Variants in PACSIN1 observed in about 807,000 individuals in gnomAD.
PACSIN1 encodes the protein protein kinase C and casein kinase substrate in neurons 1.
Under a neutral mutation model 59.5 loss-of-function variants are expected in PACSIN1, and 15 were observed. That is an observed-to-expected ratio of 0.25 (90% CI 0.17 to 0.39). The LOEUF (loss-of-function observed/expected upper bound fraction) is 0.39, where lower values mean the gene tolerates loss of function less well. Ranked by LOEUF, PACSIN1 falls within the 10% of genes least tolerant of loss-of-function variation. The probability of loss-of-function intolerance (pLI) is 1.00; values close to 1 mark genes in which losing one functional copy is unlikely to be tolerated. For missense variants in PACSIN1, 420 were observed against 580.2 expected, an observed-to-expected ratio of 0.72 and a Z score of 2.84; for synonymous variants, 210 against 220.6, an observed-to-expected ratio of 0.95 and a Z score of 0.42.
At chr6:34,478,435 C>A (rs367752016) in intron 1 of PACSIN1, among the ~76,000 whole-genome samples, 1 of 140,310 alleles carries the variant, frequency 7.1e-6, no homozygotes, top group Non-Finnish European at 1.5e-5. Context: ...TGCAGTGGCA[C>A]GATCTCGGCT....
At chr6:34,486,681 C>A (rs1001587472) in intron 1 of PACSIN1, among the ~76,000 whole-genome samples, 6 of 152,148 alleles carry the variant, frequency 3.9e-5, no homozygotes, top group African/African-American at 1.4e-4. Flanking sequence ...ACTCCTGTCA[C>A]CCCTGCAGGG....
At chr6:34,508,947 TTC>T (rs1452679741) in intron 1 of PACSIN1, among the ~76,000 whole-genome samples, 1 of 152,218 alleles carries the variant, frequency 6.6e-6, no homozygotes, top group Non-Finnish European at 1.5e-5. Flanking sequence ...TGCAATTTTT[TTC>T]CCCCATTCAG....
intron 1 of PACSIN1, among the ~76,000 whole-genome samples, chr6:34,471,927 C>G (rs1766576055): frequency 1.3e-5 from 2 of 152,144 alleles, no homozygotes; most frequent in Admixed American, 1.3e-4. Flanking sequence ...CGCTGCCTGC[C>G]AGGCACCACT....
In PACSIN1 at chr6:34,529,953, G is replaced by A; in HGVS notation, c.788+112G>A. 8.0e-7 allele frequency: 1 copy of A among 1,243,634 alleles called. No individual in the cohort carries two copies. Among genetic ancestry groups the A allele is most frequent in the Non-Finnish European group, 1.1e-6 (1 of 892,640 alleles). The allele number at this position is 1,243,634 out of a possible 1,614,324, so 77.0% of individuals were successfully genotyped here. A position where few individuals can be genotyped will look rare whatever the true frequency, so the allele number is the denominator to read the frequency against. ...AGTGACGGGAAGGGGAGGCAGAGCT[G>A]CAGGGGTCAAGAAGGATGAGGCTTC... On this transcript the variant is annotated intron_variant, in intron 6 of 9. Transcript: ENST00000244458. This position sits in a 1 kb window ranked among gnomAD's most constrained non-coding sequence, Gnocchi z 6.3.
chr6:34,527,416 G>T lies in PACSIN1; in HGVS notation c.148G>T (p.Ala50Ser). 6.3e-7 allele frequency: 1 copy of T among 1,598,994 alleles called. No individual in the cohort carries two copies. The highest frequency in any genetic ancestry group is 8.5e-7 in the Non-Finnish European group (1 of 1,174,092). Residue 50 changes from alanine to serine, a missense_variant, in exon 3 of 10, where the codon GCC (alanine) becomes TCC (serine). Physicochemically the swap from Ala to Ser is moderately conservative, Grantham distance 99. Transcript: ENST00000244458. ...NDLMNCVQERAKIEKAYGQQL... is the reference protein window; with the variant it reads ...NDLMNCVQERSKIEKAYGQQL... Reference sequence around the variant, plus strand: ...CCTGATGAACTGCGTGCAGGAGCGCGCCAAGATCGAGAAGGCGTACGGGCA... The same window carrying T: ...CCTGATGAACTGCGTGCAGGAGCGCTCCAAGATCGAGAAGGCGTACGGGCA...
At chr6:34,523,559 G>A (rs1406723684) in intron 1 of PACSIN1, among the ~76,000 whole-genome samples, 1 of 152,248 alleles carries the variant, frequency 6.6e-6, no homozygotes, top group African/African-American at 2.4e-5. Flanking sequence ...AGCCACTGGT[G>A]AGAGAAGGCA....
intron 3 of PACSIN1, chr6:34,527,697 A>G (rs979542326): frequency 1.0e-4 from 40 of 391,422 alleles, no homozygotes; most frequent in African/African-American, 5.7e-4. Context: ...AAAAAAAAAA[A>G]CACTTTTTAT....
At chr6:34,524,949 G>A (rs541004381) in intron 1 of PACSIN1, among the ~76,000 whole-genome samples, 1 of 151,624 alleles carries the variant, frequency 6.6e-6, no homozygotes, top group South Asian at 2.1e-4. Flanking sequence ...GTGACATTAA[G>A]GGTTCTAGAA....
chr6:34,466,211 C>T lies in PACSIN1; in HGVS notation c.-123C>T, dbSNP rs41312305. Reference sequence around the variant, plus strand: ...AAGTCGGCCGGGCTTGAGGCCGGGCCCCAGACGTCCCGCTTCGCCCCGAGT... The same window carrying T: ...AAGTCGGCCGGGCTTGAGGCCGGGCTCCAGACGTCCCGCTTCGCCCCGAGT... On this transcript the variant is annotated 5_prime_UTR_variant, in exon 1 of 10. Coordinates refer to ENST00000244458, the MANE Select transcript of PACSIN1 (RefSeq NM_020804.5). 316 of 152,300 alleles carry T rather than the reference C, an allele frequency of 2.1e-3. No individual in the cohort carries two copies. The highest frequency in any genetic ancestry group is 3.6e-3 in the Non-Finnish European group (246 of 68,076). 9.4% of individuals were successfully genotyped at this position (152,300 alleles called of 1,614,324 possible).
rs1050359831 is a variant in PACSIN1, at chr6:34,466,188, G to A, written c.-146G>A. 7 of 152,284 alleles carry A rather than the reference G, an allele frequency of 4.6e-5. No individual in the cohort carries two copies. Among genetic ancestry groups the A allele is most frequent in the African/African-American group, 1.4e-4 (6 of 41,442 alleles). The allele number at this position is 152,284 out of a possible 1,614,324, so 9.4% of individuals were successfully genotyped here. A position where few individuals can be genotyped will look rare whatever the true frequency, so the allele number is the denominator to read the frequency against. On this transcript the variant is annotated 5_prime_UTR_variant, in exon 1 of 10. Transcript: ENST00000244458. ...CGCCAGCCCCCTCCTCCCCCGGGAA[G>A]TCGGCCGGGCTTGAGGCCGGGCCCC...
chr6:34,499,251 A>G (rs753382063), intron 1 of PACSIN1, among the ~76,000 whole-genome samples: 1 of 151,738 alleles, frequency 6.6e-6, no homozygotes, highest in Non-Finnish European at 1.5e-5. Context: ...CGCTCCCATC[A>G]GAATCTAATG....
chr6:34,512,240 G>T (rs1169505387), intron 1 of PACSIN1, among the ~76,000 whole-genome samples: 1 of 151,902 alleles, frequency 6.6e-6, no homozygotes, highest in Non-Finnish European at 1.5e-5. Flanking sequence ...GGGGAAGGAG[G>T]GGGAGACAGA....
Position 34,532,694 on chromosome 6 carries a change from C to A in PACSIN1, c.*164C>A. On this transcript the variant is annotated 3_prime_UTR_variant, in exon 10 of 10. Transcript: ENST00000244458. This position sits in a 1 kb window ranked among gnomAD's most constrained non-coding sequence, Gnocchi z 5.2. ...CAAAACAAAGTATGCAGAGACAGAG[C>A]ATTTGCAGGGCCACCTGGAGGCTGG... is the stretch of plus-strand genomic sequence containing the variant. 1 of 593,176 alleles carries A rather than the reference C, an allele frequency of 1.7e-6. No homozygotes were observed. Among genetic ancestry groups the A allele is most frequent in the Non-Finnish European group, 3.0e-6 (1 of 332,562 alleles). The allele number at this position is 593,176 out of a possible 1,614,324, so 36.7% of individuals were successfully genotyped here.
chr6:34,530,331 C>A lies in PACSIN1; in HGVS notation c.877C>A (p.Pro293Thr), dbSNP rs1264376168. Reference sequence around the variant, plus strand: ...CAGATGGTTCCGCAGCACCAGTGGCCCCGGCATGCCCATGAACTGGCCCCA... The same window carrying A: ...CAGATGGTTCCGCAGCACCAGTGGCACCGGCATGCCCATGAACTGGCCCCA... ...DLRWFRSTSG[P>T]GMPMNWPQFE... The change falls in exon 7 of 10, where the codon CCC becomes ACC. Residue 293 changes from proline (P) to threonine (T), a missense_variant. Transcript: ENST00000244458. This position sits in a 1 kb window ranked among gnomAD's most constrained non-coding sequence, Gnocchi z 4.4. 3.7e-6 allele frequency: 6 copies of A among 1,613,962 alleles called. No homozygotes were observed. The highest frequency in any genetic ancestry group is 5.1e-6 in the Non-Finnish European group (6 of 1,180,008).
In PACSIN1 at chr6:34,531,548, C is replaced by T. The variant is rs1021682019; in HGVS notation, c.1038-52C>T. On this transcript the variant is annotated intron_variant, in intron 8 of 9. Coordinates refer to ENST00000244458, the MANE Select transcript of PACSIN1 (RefSeq NM_020804.5). This position sits in a 1 kb window ranked among gnomAD's most constrained non-coding sequence, Gnocchi z 4.4. ...CTGATTAGGAGGAGCGGTTAGCCCT[C>T]GGGATGCGGTACGGGGAGACATTGA... is the stretch of plus-strand genomic sequence containing the variant. The T allele has an allele frequency of 1.6e-5, 25 of 1,574,692 alleles. No individual in the cohort carries two copies. Among genetic ancestry groups the T allele is most frequent in the Non-Finnish European group, 2.1e-5 (24 of 1,150,338 alleles).
Position 34,529,458 on chromosome 6 carries a change from G to A in PACSIN1, c.518G>A (p.Arg173Gln), listed in dbSNP as rs199650443. The A allele has an allele frequency of 1.2e-6, 2 of 1,614,132 alleles. No homozygotes were observed. The highest frequency in any genetic ancestry group is 2.2e-5 in the East Asian group (1 of 44,864). Residue 173 changes from arginine to glutamine, a missense_variant, in exon 5 of 10, where the codon CGG becomes CAG. Arg to Gln is a conservative substitution (Grantham distance 43). Coordinates refer to ENST00000244458, the MANE Select transcript of PACSIN1 (RefSeq NM_020804.5). This position sits in a 1 kb window ranked among gnomAD's most constrained non-coding sequence, Gnocchi z 6.3. ...ACKEEKLAMT[R>Q]EMNSKTEQSV... is the part of the protein sequence containing the mutation. Reference sequence around the variant, plus strand: ...AAAGAGGAAAAGCTGGCCATGACACGGGAGATGAACAGCAAGACGGAGCAA... The same window carrying A: ...AAAGAGGAAAAGCTGGCCATGACACAGGAGATGAACAGCAAGACGGAGCAA...
Position 34,521,818 on chromosome 6 carries a change from C to G in PACSIN1, c.-63-4425C>G, listed in dbSNP as rs1767397757. Among the ~76,000 whole-genome samples, 1 of 152,148 alleles carries G rather than the reference C, an allele frequency of 6.6e-6. No individual in the cohort carries two copies. The highest frequency in any genetic ancestry group is 1.5e-5 in the Non-Finnish European group (1 of 68,032). Reference sequence around the variant, plus strand: ...GGTCTAGTGCTCCGTTTAATCCTTGCAACAGCCCATTTTACAGATGCGGAC... The same window carrying G: ...GGTCTAGTGCTCCGTTTAATCCTTGGAACAGCCCATTTTACAGATGCGGAC... On this transcript the variant is annotated intron_variant, in intron 1 of 9. Coordinates refer to ENST00000244458, the MANE Select transcript of PACSIN1 (RefSeq NM_020804.5). This position sits in a 1 kb window ranked among gnomAD's most constrained non-coding sequence, Gnocchi z 4.3.
intron 1 of PACSIN1, among the ~76,000 whole-genome samples, chr6:34,498,482 G>A (rs1766979121): frequency 6.6e-6 from 1 of 152,002 alleles, no homozygotes; most frequent in African/African-American, 2.4e-5. Context: ...TTCCCATGCA[G>A]CAGCCTGGTC....
At chr6:34,467,268 C>T (rs117209085) in intron 1 of PACSIN1, among the ~76,000 whole-genome samples, 3 of 152,200 alleles carry the variant, frequency 2.0e-5, no homozygotes, top group Non-Finnish European at 4.4e-5. Context: ...TCTTGGACTG[C>T]CTTGTGGCTG....
Sources: gnomAD v4.1 joint callset for allele counts (sites outside exome capture counted in the v4.1 genomes callset) on GRCh38, gnomAD v4.1.1 for gene constraint, Gnocchi (gnomAD v3.1) non-coding constraint, MANE v1.5 for transcripts, NCBI Gene and HGNC (gene_info 2026-07-23, HGNC 2026-07-21) for gene names.